The following ADORA3 variants were observed in gnomAD, a reference collection of about 807,000 sequenced individuals.
The protein encoded by ADORA3 is adenosine receptor A3.
ADORA3 carries 3 observed loss-of-function variants against 5.7 expected under a neutral mutation model. The observed-to-expected ratio is 0.52, with a 90% CI of 0.24 to 1.35. The LOEUF (loss-of-function observed/expected upper bound fraction) is 1.35, where lower values mean the gene tolerates loss of function less well. Ranked by LOEUF, ADORA3 falls within the 40% of genes most tolerant of loss-of-function variation. ADORA3 has a pLI of 0.17. For synonymous variants in ADORA3, 168 were observed against 152.3 expected (o/e 1.10, Z -0.76); for missense variants, 343 against 389.0 (o/e 0.88, Z 0.99).
intron 1 of ADORA3, among the ~76,000 whole-genome samples, chr1:111,501,691 G>A (rs189988694): frequency 2.6e-5 from 4 of 152,088 alleles, no homozygotes; most frequent in Admixed American, 2.6e-4. Context: ...TCTGAGTTCC[G>A]AGCATCGTAA....
rs1655059372 is a variant in ADORA3, at chr1:111,499,671, T to C, written c.*279A>G. ...CTTCAGGCTCCATGACTTATTCTTC[T>C]ATTGGGAAGAAGGAAAACAGACAAT... On this transcript the variant is annotated 3_prime_UTR_variant, in exon 2 of 2. Transcript: ENST00000241356. The C allele has an allele frequency of 8.3e-7, 1 of 1,209,444 alleles. No individual in the cohort carries two copies. Among genetic ancestry groups the C allele is most frequent in the Non-Finnish European group, 1.0e-6 (1 of 962,512 alleles). The allele number at this position is 1,209,444 out of a possible 1,614,324, so 74.9% of individuals were successfully genotyped here. A position where few individuals can be genotyped will look rare whatever the true frequency, so the allele number is the denominator to read the frequency against.
In ADORA3 at chr1:111,500,338, A is replaced by G. The variant is rs777412089; in HGVS notation, c.569T>C (p.Leu190Pro). Residue 190 changes from leucine to proline, a missense_variant, in exon 2 of 2, where the codon CTG becomes CCG. Transcript: ENST00000241356. ...AAGATAGATGGCGCACATGACAACC[A>G]GGGGGATGAAAATCCAGGTGAGGAA... ...FSFLTWIFIP[L>P]VVMCAIYLDI... is the part of the protein sequence containing the mutation. 5.0e-6 allele frequency: 8 copies of G among 1,614,144 alleles called. No homozygotes were observed. The East Asian group carries it at 1.3e-4, about 27-fold the overall frequency.
In ADORA3 at chr1:111,503,464, T is replaced by C. The variant is rs1322229117; in HGVS notation, c.-110A>G. The C allele has an allele frequency of 8.2e-6, 12 of 1,466,170 alleles. No homozygotes were observed. Among genetic ancestry groups the C allele is most frequent in the Non-Finnish European group, 9.9e-6 (11 of 1,106,320 alleles). 90.8% of individuals were successfully genotyped at this position (1,466,170 alleles called of 1,614,324 possible). ...CGTCTTCCCAGAGGTCCATGTGCAG[T>C]GACAGTCTAAAATTCCCAACTTGCT... is the stretch of plus-strand genomic sequence containing the variant. On this transcript the variant is annotated 5_prime_UTR_variant, in exon 1 of 2. Coordinates refer to ENST00000241356, the MANE Select transcript of ADORA3 (RefSeq NM_000677.4).
At position 111,502,136 on chromosome 1, in the gene ADORA3, T is replaced by C. The variant is rs866169490; in HGVS notation, c.350+869A>G. On this transcript the variant is annotated intron_variant, in intron 1 of 1. Transcript: ENST00000241356. ...ATAATAAATATATAGGATATATATT[T>C]AATATAATAAATATATAGGATATAT... 4.8e-3 allele frequency among the ~76,000 whole-genome samples: 432 copies of C among 90,640 alleles called. 17 individuals are homozygous for C. Among genetic ancestry groups the C allele is most frequent in the African/African-American group, 0.013 (287 of 22,572 alleles). 59.5% of individuals were successfully genotyped at this position (90,640 alleles called of 152,430 possible).
At position 111,502,983 on chromosome 1, in the gene ADORA3, C is replaced by A. The variant is rs776967310; in HGVS notation, c.350+22G>T. 3 of 1,608,022 alleles carry A rather than the reference C, an allele frequency of 1.9e-6. No homozygotes were observed. The South Asian group carries it at 3.3e-5, about 18-fold the overall frequency. On this transcript the variant is annotated intron_variant, in intron 1 of 1. Coordinates refer to ENST00000241356, the MANE Select transcript of ADORA3 (RefSeq NM_000677.4). ...CATTTCCCAGCTGCCTCAATTGCTG[C>A]CCACCCCACGCCGCAGGCTACCTGA...
In ADORA3 at chr1:111,500,341, G is replaced by T. The variant is rs770214556; in HGVS notation, c.566C>A (p.Pro189His). 1 of 1,614,186 alleles carries T rather than the reference G, an allele frequency of 6.2e-7. No individual in the cohort carries two copies. The highest frequency in any genetic ancestry group is 8.5e-7 in the Non-Finnish European group (1 of 1,180,034). ...YFSFLTWIFIPLVVMCAIYLD... is the reference protein window; with the variant it reads ...YFSFLTWIFIHLVVMCAIYLD... ...ATAGATGGCGCACATGACAACCAGG[G>T]GGATGAAAATCCAGGTGAGGAAGCT... The change falls in exon 2 of 2, where the codon CCC (proline) becomes CAC (histidine). Residue 189 changes from proline (P) to histidine (H), a missense_variant. By Grantham distance (77) the Pro-to-His change is moderately conservative (BLOSUM62 -2). Transcript: ENST00000241356.
chr1:111,503,328 T>C lies in ADORA3; in HGVS notation c.27A>G (p.Ser9=). 2.5e-6 allele frequency: 4 copies of C among 1,613,674 alleles called. No individual in the cohort carries two copies. Among genetic ancestry groups the C allele is most frequent in the Non-Finnish European group, 3.4e-6 (4 of 1,179,784 alleles). The change falls in exon 1 of 2, where the codon TCA becomes TCG. Residue 9 remains serine (S), a synonymous_variant. Transcript: ENST00000241356. ...TGGTGATGTAGGTAACATTGGCCAA[T>C]GACAGAGCAGTGCTGTTGTTGGGCA... MPNNSTAL[S]LANVTYITME...
chr1:111,500,367 G>A lies in ADORA3; in HGVS notation c.540C>T (p.Phe180=). 6.2e-7 allele frequency: 1 copy of A among 1,614,212 alleles called. No individual in the cohort carries two copies. Among genetic ancestry groups the A allele is most frequent in the Non-Finnish European group, 8.5e-7 (1 of 1,180,028 alleles). The change falls in exon 2 of 2, where the codon TTC becomes TTT. Residue 180 remains phenylalanine (F), a synonymous_variant. Coordinates refer to ENST00000241356, the MANE Select transcript of ADORA3 (RefSeq NM_000677.4). ...SVMRMDYMVY[F]SFLTWIFIPL... ...GGATGAAAATCCAGGTGAGGAAGCT[G>A]AAGTATACCATGTAGTCCATTCTCA...
chr1:111,503,614 A>G lies in ADORA3; in HGVS notation c.-260T>C. 7.6e-7 allele frequency: 1 copy of G among 1,308,390 alleles called. No homozygotes were observed. The highest frequency in any genetic ancestry group is 9.8e-7 in the Non-Finnish European group (1 of 1,021,020). The allele number at this position is 1,308,390 out of a possible 1,614,324, so 81.0% of individuals were successfully genotyped here. A position where few individuals can be genotyped will look rare whatever the true frequency, so the allele number is the denominator to read the frequency against. ...CATCCTCAAGTTTCCAGAATGCTGT[A>G]GGACAGCTCTATATGGACTGAATCT... On this transcript the variant is annotated 5_prime_UTR_variant, in exon 1 of 2. Coordinates refer to ENST00000241356, the MANE Select transcript of ADORA3 (RefSeq NM_000677.4).
chr1:111,501,173 C>A (rs1053634818), intron 1 of ADORA3: 1 of 152,532 alleles, frequency 6.6e-6, no homozygotes, highest in African/African-American at 2.4e-5. Context: ...TATACTATGC[C>A]TCCCCGACAC....
At chr1:111,500,943 C>T (rs922010979) in intron 1 of ADORA3, 4 of 285,732 alleles carry the variant, frequency 1.4e-5, no homozygotes, top group Non-Finnish European at 2.6e-5. Context: ...AACTCAAAAA[C>T]ATCCACAGGT....
In ADORA3 at chr1:111,503,228, G is replaced by C. The variant is rs1312988306; in HGVS notation, c.127C>G (p.Leu43Val). 1.9e-6 allele frequency: 3 copies of C among 1,614,244 alleles called. No individual in the cohort carries two copies. In the African/African-American group the frequency reaches 4.0e-5, roughly 21 times the overall value. ...ATGAAATAGAAGGTGGTGGTCTGCA[G>C]GCTGGGGTTCAGCTTGACCACGCAG... ...VICVVKLNPS[L>V]QTTTFYFIVS... The change falls in exon 1 of 2, where the codon CTG (leucine) becomes GTG (valine). Residue 43 changes from leucine (L) to valine (V), a missense_variant. Coordinates refer to ENST00000241356, the MANE Select transcript of ADORA3 (RefSeq NM_000677.4).
chr1:111,499,640 G>A lies in ADORA3; in HGVS notation c.*310C>T. On this transcript the variant is annotated 3_prime_UTR_variant, in exon 2 of 2. Coordinates refer to ENST00000241356, the MANE Select transcript of ADORA3 (RefSeq NM_000677.4). ...GAGCCTTTTGTCAGTAAGTCAACTA[G>A]GCACCCTTCAGGCTCCATGACTTAT... is the stretch of plus-strand genomic sequence containing the variant. 1 of 1,139,810 alleles carries A rather than the reference G, an allele frequency of 8.8e-7. No individual in the cohort carries two copies. Among genetic ancestry groups the A allele is most frequent in the Non-Finnish European group, 1.1e-6 (1 of 922,666 alleles). 70.6% of individuals were successfully genotyped at this position (1,139,810 alleles called of 1,614,324 possible).
intron 1 of ADORA3, among the ~76,000 whole-genome samples, chr1:111,501,634 A>G (rs576708078): frequency 2.2e-4 from 33 of 152,338 alleles, no homozygotes; most frequent in Admixed American, 5.9e-4. Flanking sequence ...CAAACAAGTA[A>G]CTTCTACAAG....
chr1:111,502,826 AGT>A (rs1179944214), intron 1 of ADORA3, among the ~76,000 whole-genome samples, 177 bp downstream of exon 1: 1 of 152,020 alleles, frequency 6.6e-6, no homozygotes, highest in Non-Finnish European at 1.5e-5. Flanking sequence ...CTAGCTCCTG[AGT>A]CCCAGCCCAT....
In ADORA3 at chr1:111,502,204, TATATAGGATATATATTTATTATAATGA is replaced by T. The variant is rs1655244134; in HGVS notation, c.350+774_350+800del. ...TATAGGATATATATATTATAATAAA[TATATAGGATATATATTTATTATAATGA>T]ATATATAGGATATATTTATTATAAT... On this transcript the variant is annotated intron_variant, in intron 1 of 1. Transcript: ENST00000241356. Among the ~76,000 whole-genome samples the T allele has an allele frequency of 2.0e-4, 7 of 35,240 alleles. 2 individuals carry two copies. Among genetic ancestry groups the T allele is most frequent in the Admixed American group, 4.6e-4 (1 of 2,158 alleles). 23.1% of individuals were successfully genotyped at this position (35,240 alleles called of 152,430 possible). A position where few individuals can be genotyped will look rare whatever the true frequency, so the allele number is the denominator to read the frequency against.
At position 111,503,141 on chromosome 1, in the gene ADORA3, C is replaced by A; in HGVS notation, c.214G>T (p.Val72Phe). The A allele has an allele frequency of 1.2e-6, 2 of 1,614,192 alleles. No homozygotes were observed. The highest frequency in any genetic ancestry group is 1.7e-6 in the Non-Finnish European group (2 of 1,180,028). The part of the protein sequence containing the change: ...GVLVMPLAIV[V>F]SLGITIHFYS... ...AAGTGGATTGTGATGCCCAGGCTGA[C>A]AACAATGGCCAAAGGCATGACCAGC... is the stretch of plus-strand genomic sequence containing the variant. Residue 72 changes from valine to phenylalanine, a missense_variant, in exon 1 of 2, where the codon GTC (valine) becomes TTC (phenylalanine). Transcript: ENST00000241356.
chr1:111,499,772 A>G lies in ADORA3; in HGVS notation c.*178T>C. 7.0e-7 allele frequency: 1 copy of G among 1,430,730 alleles called. No individual in the cohort carries two copies. The highest frequency in any genetic ancestry group is 1.5e-5 in the South Asian group (1 of 65,464). 88.6% of individuals were successfully genotyped at this position (1,430,730 alleles called of 1,614,324 possible). ...GAGAGAAAGGACAAGGGAAAAATGA[A>G]GTGGAGGAAGAGAGTAGTGGAGTGG... On this transcript the variant is annotated 3_prime_UTR_variant, in exon 2 of 2. Transcript: ENST00000241356.
rs1655330556 is a variant in ADORA3, at chr1:111,503,042, CG to C, written c.312del (p.Ile104MetfsTer40). ...TTGACCCGCAAGTATCGGTCCACAGCGATGGCCAGCAAGGACATGATGGAGG... is the reference window on the plus strand; with the variant it reads ...TTGACCCGCAAGTATCGGTCCACAGCATGGCCAGCAAGGACATGATGGAGG... Reference protein sequence around the residue: ...THASIMSLLAIAVDRYLRVKL... With the variant: ...THASIMSLLAXAVDRYLRVKL... On this transcript the variant is annotated frameshift_variant, in exon 1 of 2. Transcript: ENST00000241356. LOFTEE classifies it high-confidence loss of function. 5 of 1,614,038 alleles carry C rather than the reference CG, an allele frequency of 3.1e-6. No homozygotes were observed. Among genetic ancestry groups the C allele is most frequent in the Middle Eastern group, 1.6e-4 (1 of 6,082 alleles).
Sources: allele counts gnomAD v4.1 joint callset (sites outside exome capture counted in the v4.1 genomes callset), GRCh38; gene constraint gnomAD v4.1.1; transcripts MANE v1.5; gene names NCBI Gene and HGNC (gene_info 2026-07-23, HGNC 2026-07-21).